The following GNAI1 variants were observed in gnomAD, a reference collection of about 807,000 sequenced individuals.
GNAI1 encodes guanine nucleotide-binding protein G(i) subunit alpha-1.
GNAI1 carries 11 observed loss-of-function variants against 38.9 expected under a neutral mutation model. The ratio of observed to expected loss-of-function variants is 0.28; its 90% CI spans 0.18 to 0.47. The LOEUF (loss-of-function observed/expected upper bound fraction) is 0.47. Ranked by LOEUF, GNAI1 falls within the 20% of genes least tolerant of loss-of-function variation. The pLI is 0.99. For synonymous variants in GNAI1, 166 were observed against 145.1 expected, an observed-to-expected ratio of 1.14 and a Z score of -1.04; for missense variants, 317 against 436.9, an observed-to-expected ratio of 0.73 and a Z score of 2.45.
intron 1 of GNAI1, among the ~76,000 whole-genome samples, chr7:80,182,534 G>A (rs1788312755): frequency 1.3e-5 from 2 of 152,086 alleles, no homozygotes; most frequent in Non-Finnish European, 2.9e-5. Context: ...CCATGTATGT[G>A]TAAATATTTA....
At chr7:80,217,247 T>TCATATGTATGAACC in intron 7 of GNAI1, 56 bp from the exon 8 acceptor site, 1 of 419,550 alleles carries the variant, frequency 2.4e-6, no homozygotes, top group South Asian at 3.9e-5. Context: ...AATTCAGTAT[T>TCATATGTATGAACC]TTAAGCAGTT....
At chr7:80,166,944 GA>G (rs1413686267) in intron 1 of GNAI1, among the ~76,000 whole-genome samples, 3 of 152,170 alleles carry the variant, frequency 2.0e-5, no homozygotes, top group African/African-American at 7.2e-5. Context: ...TATTTGTCAT[GA>G]TTAGAGTATA....
chr7:80,205,650 T>C (rs763348786), intron 5 of GNAI1, among the ~76,000 whole-genome samples: 6 of 152,106 alleles, frequency 3.9e-5, no homozygotes, highest in Non-Finnish European at 8.8e-5. Flanking sequence ...ATTCAAACTT[T>C]ACAAGACCGT....
chr7:80,149,752 G>A (rs1002498930), intron 1 of GNAI1, among the ~76,000 whole-genome samples: 3 of 152,100 alleles, frequency 2.0e-5, no homozygotes, highest in Non-Finnish European at 4.4e-5. Context: ...TCATGTTAAT[G>A]AGAGGATTTA....
At chr7:80,184,968 C>T (rs1014162487) in intron 1 of GNAI1, among the ~76,000 whole-genome samples, 1 of 152,162 alleles carries the variant, frequency 6.6e-6, no homozygotes, top group Non-Finnish European at 1.5e-5. Context: ...AGCCAGGTTT[C>T]GTGACTGCAA....
At position 80,219,418 on chromosome 7, in the gene GNAI1, T is replaced by C. The variant is rs1789034469; in HGVS notation, c.*1925T>C. On this transcript the variant is annotated 3_prime_UTR_variant, in exon 8 of 8. Transcript: ENST00000649796. ...TTTAAAATTTTACAAACCTATTGGCTAAGTACATTTTGGATTAGAATTTAA... is the reference window on the plus strand; with the variant it reads ...TTTAAAATTTTACAAACCTATTGGCCAAGTACATTTTGGATTAGAATTTAA... 2 of 152,624 alleles carry C rather than the reference T, an allele frequency of 1.3e-5. No homozygotes were observed. Among genetic ancestry groups the C allele is most frequent in the East Asian group, 1.9e-4 (1 of 5,194 alleles). The allele number at this position is 152,624 out of a possible 1,614,324, so 9.5% of individuals were successfully genotyped here.
At position 80,135,119 on chromosome 7, in the gene GNAI1, C is replaced by G. The variant is rs1787385798; in HGVS notation, c.-42C>G. 7.3e-7 allele frequency: 1 copy of G among 1,362,888 alleles called. No individual in the cohort carries two copies. Among genetic ancestry groups the G allele is most frequent in the Non-Finnish European group, 9.8e-7 (1 of 1,018,544 alleles). 84.4% of individuals were successfully genotyped at this position (1,362,888 alleles called of 1,614,324 possible). A position where few individuals can be genotyped will look rare whatever the true frequency, so the allele number is the denominator to read the frequency against. On this transcript the variant is annotated 5_prime_UTR_variant, in exon 1 of 8. Transcript: ENST00000649796. ...TTCCCCTGTGCTTGGAGCCCGCACT[C>G]GGGCGCGGAGGGAGCGGCGGCAGGC...
At position 80,189,223 on chromosome 7, in the gene GNAI1, G is replaced by A. The variant is rs535549285; in HGVS notation, c.295G>A (p.Ala99Thr). The change falls in exon 3 of 8, where the codon GCC becomes ACC. Residue 99 changes from alanine to threonine, a missense_variant. Physicochemically the swap from Ala to Thr is moderately conservative, Grantham distance 58. This residue lies in a region of GNAI1 where 67 missense variants were observed against 61.5 expected (regional missense o/e 1.09). Transcript: ENST00000649796. ...GRLKIDFGDS[A>T]RADDARQLFV... is the part of the protein sequence containing the mutation. The stretch of plus-strand genomic sequence containing the variant: ...GTTGAAGATAGACTTTGGTGACTCA[G>A]CCCGGGCGGTAAGTTATTAAATTTG... 1.2e-6 allele frequency: 2 copies of A among 1,610,516 alleles called. No homozygotes were observed. Among genetic ancestry groups the A allele is most frequent in the East Asian group, 2.2e-5 (1 of 44,820 alleles).
chr7:80,152,024 T>C (rs1170618203), intron 1 of GNAI1, among the ~76,000 whole-genome samples: 1 of 152,232 alleles, frequency 6.6e-6, no homozygotes, highest in Non-Finnish European at 1.5e-5. Flanking sequence ...TTGTTCTCCT[T>C]TCACGGCCTC....
chr7:80,217,200 G>GTATGAAACTGACTTCAGTTTCATATA, intron 7 of GNAI1, 103 bp from the exon 8 acceptor site: 3 of 691,534 alleles, frequency 4.3e-6, no homozygotes, highest in East Asian at 5.6e-5. Flanking sequence ...GAATGAAACT[G>GTATGAAACTGACTTCAGTTTCATATA]TATGAAACTG....
At chr7:80,192,626 C>G (rs550603790) in intron 3 of GNAI1, among the ~76,000 whole-genome samples, 4 of 152,248 alleles carry the variant, frequency 2.6e-5, no homozygotes, top group Admixed American at 1.3e-4. Context: ...ATTAAGCACT[C>G]CCCACATGCC....
At chr7:80,164,479 A>T (rs995921150) in intron 1 of GNAI1, among the ~76,000 whole-genome samples, 3 of 151,464 alleles carry the variant, frequency 2.0e-5, no homozygotes, top group African/African-American at 7.3e-5. Context: ...CTCCTGCCAT[A>T]GCCTCCCTAG....
At chr7:80,201,976 A>G (rs1348844284) in intron 4 of GNAI1, among the ~76,000 whole-genome samples, 1 of 152,216 alleles carries the variant, frequency 6.6e-6, no homozygotes, top group Non-Finnish European at 1.5e-5. Context: ...TTAAATTTGT[A>G]ATCATTTAAA....
At chr7:80,217,208 C>CTGACTTCAGTTTCATATGTATGAAAA in intron 7 of GNAI1, 95 bp from the exon 8 acceptor site, 3 of 770,586 alleles carry the variant, frequency 3.9e-6, no homozygotes, top group Non-Finnish European at 6.1e-6. Flanking sequence ...CTGTATGAAA[C>CTGACTTCAGTTTCATATGTATGAAAA]TGACTTCAGT....
In GNAI1 at chr7:80,225,179, G is replaced by T. The variant is rs1427267934; in HGVS notation, c.*7686G>T. Among the ~76,000 whole-genome samples, 1 of 152,130 alleles carries T rather than the reference G, an allele frequency of 6.6e-6. No homozygotes were observed. The highest frequency in any genetic ancestry group is 1.5e-5 in the Non-Finnish European group (1 of 68,026). ...TTCCAGTTTTAAATGCTATCGTTTG[G>T]TTTGGTGTAATATAGCCTTTCCTGT... On this transcript the variant is annotated 3_prime_UTR_variant, in exon 8 of 8. Coordinates refer to ENST00000649796, the MANE Select transcript of GNAI1 (RefSeq NM_002069.6).
intron 1 of GNAI1, among the ~76,000 whole-genome samples, chr7:80,172,277 A>G (rs1387292973): frequency 2.6e-5 from 4 of 152,240 alleles, no homozygotes; most frequent in Non-Finnish European, 5.9e-5. Context: ...AGAAGTTTGC[A>G]TTAAAAAGTT....
At chr7:80,202,070 G>GT (rs1186367496) in intron 4 of GNAI1, among the ~76,000 whole-genome samples, 2 of 151,912 alleles carry the variant, frequency 1.3e-5, no homozygotes, top group African/African-American at 2.4e-5. Context: ...AACTATAGCA[G>GT]TTTTTTTGTT....
chr7:80,138,352 TA>T (rs752121542), intron 1 of GNAI1, among the ~76,000 whole-genome samples: 2 of 152,216 alleles, frequency 1.3e-5, no homozygotes, highest in African/African-American at 4.8e-5. Context: ...AATTAGGCCT[TA>T]AAAAAAGAGG....
intron 1 of GNAI1, among the ~76,000 whole-genome samples, chr7:80,146,922 G>GT (rs1787632959): frequency 6.6e-6 from 1 of 152,064 alleles, no homozygotes; most frequent in African/African-American, 2.4e-5. Flanking sequence ...TATTATTGCT[G>GT]TTTTATAGTT....
Sources: gnomAD v4.1 joint callset for allele counts (sites outside exome capture counted in the v4.1 genomes callset) on GRCh38, gnomAD v4.1.1 for gene constraint, gnomAD v4.1.1 regional missense constraint, MANE v1.5 for transcripts, NCBI Gene and HGNC (gene_info 2026-07-23, HGNC 2026-07-21) for gene names.